The following HIPK1 variants were observed in gnomAD, a reference collection of about 807,000 sequenced individuals.
HIPK1 encodes the protein homeodomain-interacting protein kinase 1.
A neutral mutation model predicts 117.1 loss-of-function variants in HIPK1; 28 were observed. The observed-to-expected ratio is 0.24, with a 90% CI of 0.18 to 0.33. HIPK1 has a LOEUF of 0.33. Among genes scored for constraint, HIPK1 ranks in the 10% least tolerant of loss-of-function variants. The pLI is 1.00. For missense variants in HIPK1, 1,122 were observed against 1,475.1 expected (o/e 0.76, Z 3.92); for synonymous variants, 605 against 562.5 (o/e 1.08, Z -1.07).
intron 1 of HIPK1, chr1:113,929,799 G>A: frequency 1.0e-6 from 1 of 976,940 alleles, no homozygotes; most frequent in Non-Finnish European, 1.2e-6. Context: ...GCGCGGGGAC[G>A]GCTCCGGGGG....
At chr1:113,933,632 G>T (rs143433628) in intron 1 of HIPK1, among the ~76,000 whole-genome samples, 2 of 152,112 alleles carry the variant, frequency 1.3e-5, no homozygotes, top group Admixed American at 1.3e-4. Flanking sequence ...CACTTTTGGA[G>T]GCTGAGGTAG....
intron 4 of HIPK1, among the ~76,000 whole-genome samples, chr1:113,955,019 G>A (rs564001475): frequency 6.6e-6 from 1 of 152,332 alleles, no homozygotes; most frequent in Admixed American, 6.5e-5. Context: ...AGTTTGGAGG[G>A]TAGTGCTCAC....
In HIPK1 at chr1:113,977,710, A is replaced by G. The variant is rs1673213249; in HGVS notation, c.*4198A>G. On this transcript the variant is annotated 3_prime_UTR_variant, in exon 16 of 16. Transcript: ENST00000426820. ...GGATTCAATGTTTGTCTTTGGTTTT[A>G]CAAAGTAGCTTGTATTTTCAGTATT... 6.5e-6 allele frequency: 1 copy of G among 152,724 alleles called. No homozygotes were observed. Among genetic ancestry groups the G allele is most frequent in the Non-Finnish European group, 1.5e-5 (1 of 68,034 alleles). The allele number at this position is 152,724 out of a possible 1,614,324, so 9.5% of individuals were successfully genotyped here. A position where few individuals can be genotyped will look rare whatever the true frequency, so the allele number is the denominator to read the frequency against.
chr1:113,960,639 A>G (rs546897708), intron 8 of HIPK1, among the ~76,000 whole-genome samples: 1 of 152,340 alleles, frequency 6.6e-6, no homozygotes, highest in South Asian at 2.1e-4. Context: ...ATGTCCTACT[A>G]TAGGCAAAAA....
At chr1:113,932,986 A>C (rs1169919475) in intron 1 of HIPK1, among the ~76,000 whole-genome samples, 1 of 152,106 alleles carries the variant, frequency 6.6e-6, no homozygotes, top group Non-Finnish European at 1.5e-5. Context: ...TGCTTTGTTA[A>C]TTTTAACTTT....
chr1:113,941,104 C>G lies in HIPK1; in HGVS notation c.721C>G (p.Leu241Val). Residue 241 changes from leucine to valine, a missense_variant, in exon 2 of 16, where the codon CTA becomes GTA. Physicochemically the swap from Leu to Val is conservative, Grantham distance 32. Around this residue, in one of 6 missense-constraint regions of HIPK1, gnomAD observed 62 missense variants for 121.5 expected, o/e 0.51. Coordinates refer to ENST00000426820, the MANE Select transcript of HIPK1 (RefSeq NM_198268.3). The surrounding 1 kb of genome is among the most constrained non-coding windows in gnomAD (Gnocchi z 4.9). Reference sequence around the variant, plus strand: ...GATTGAAGTGAGCATCCTTTCCCGCCTAAGCAGTGAAAATGCTGATGAGTA... The same window carrying G: ...GATTGAAGTGAGCATCCTTTCCCGCGTAAGCAGTGAAAATGCTGATGAGTA... The part of the protein sequence containing the change: ...GQIEVSILSR[L>V]SSENADEYNF... 1 of 1,614,222 alleles carries G rather than the reference C, an allele frequency of 6.2e-7. No homozygotes were observed. The highest frequency in any genetic ancestry group is 8.5e-7 in the Non-Finnish European group (1 of 1,180,054).
chr1:113,962,435 G>A lies in HIPK1; in HGVS notation c.2100G>A (p.Thr700=), dbSNP rs779021472. 6.2e-6 allele frequency: 10 copies of A among 1,613,234 alleles called. No homozygotes were observed. The highest frequency in any genetic ancestry group is 1.7e-5 in the Admixed American group (1 of 59,948). Residue 700 remains threonine, a synonymous_variant, in exon 9 of 16, where the codon ACG becomes ACA. Transcript: ENST00000426820. ...QPLQIQSGVL[T]QGSCTPLMVA... ...TACAGATTCAGTCAGGAGTTCTCAC[G>A]CAGGTAAAAGCTAGAGCAATGTGGA... is the stretch of plus-strand genomic sequence containing the variant.
intron 1 of HIPK1, 140 bp downstream of exon 1, chr1:113,929,672 G>T (rs1388505649): frequency 7.8e-6 from 7 of 898,648 alleles, no homozygotes; most frequent in Non-Finnish European, 1.0e-5. Context: ...GGTAGCCCCG[G>T]ACGGCAGCAG....
At position 113,962,386 on chromosome 1, in the gene HIPK1, C is replaced by G. The variant is rs1672185315; in HGVS notation, c.2051C>G (p.Pro684Arg). ...ATGGATAATGCTGTACCGATTGTAC[C>G]CCAGGCACCAGCTGCTCAGCCACTA... The part of the protein sequence containing the change: ...VRMDNAVPIV[P>R]QAPAAQPLQI... The change falls in exon 9 of 16, where the codon CCC becomes CGC. Residue 684 changes from proline to arginine, a missense_variant. By Grantham distance (103) the Pro-to-Arg change is moderately radical (BLOSUM62 -2). Transcript: ENST00000426820. The G allele has an allele frequency of 5.0e-6, 8 of 1,613,860 alleles. No homozygotes were observed. Among genetic ancestry groups the G allele is most frequent in the Non-Finnish European group, 6.8e-6 (8 of 1,179,868 alleles).
Position 113,957,221 on chromosome 1 carries a change from G to C in HIPK1, c.1690G>C (p.Ala564Pro). 6.2e-7 allele frequency: 1 copy of C among 1,613,722 alleles called. No homozygotes were observed. The highest frequency in any genetic ancestry group is 8.5e-7 in the Non-Finnish European group (1 of 1,179,702). The change falls in exon 7 of 16, where the codon GCC becomes CCC. Residue 564 changes from alanine to proline, a missense_variant. By Grantham distance (27) the Ala-to-Pro change is conservative. Coordinates refer to ENST00000426820, the MANE Select transcript of HIPK1 (RefSeq NM_198268.3). ...QIKSPFTTHV[A>P]PNTSTNLTMS... Reference sequence around the variant, plus strand: ...CAAGAGTCCCTTCACTACACATGTTGCCCCAAATACAAGCACAAATCTAAC... The same window carrying C: ...CAAGAGTCCCTTCACTACACATGTTCCCCCAAATACAAGCACAAATCTAAC...
Position 113,954,705 on chromosome 1 carries a change from G to A in HIPK1, c.1255G>A (p.Gly419Arg). ...GCCAGCTGAATATCTTCTCAGTGCC[G>A]GAACAAAAACAACCAGGTTTTTCAA... ...GLPAEYLLSA[G>R]TKTTRFFNRD... Residue 419 changes from glycine (G) to arginine (R), a missense_variant, in exon 4 of 16, where the codon GGA becomes AGA. By Grantham distance (125) the Gly-to-Arg change is moderately radical (BLOSUM62 -2). Coordinates refer to ENST00000426820, the MANE Select transcript of HIPK1 (RefSeq NM_198268.3). 1.2e-6 allele frequency: 2 copies of A among 1,613,622 alleles called. No homozygotes were observed. Among genetic ancestry groups the A allele is most frequent in the South Asian group, 2.2e-5 (2 of 91,058 alleles).
At position 113,973,988 on chromosome 1, in the gene HIPK1, G is replaced by C. The variant is rs895478012; in HGVS notation, c.*476G>C. On this transcript the variant is annotated 3_prime_UTR_variant, in exon 16 of 16. Transcript: ENST00000426820. The stretch of plus-strand genomic sequence containing the variant: ...GACAAAAAAAGAAAAATTACTTTTT[G>C]TTTGTTTATAAACTCAGACTTGCCT... 2 of 152,684 alleles carry C rather than the reference G, an allele frequency of 1.3e-5. No individual in the cohort carries two copies. Among genetic ancestry groups the C allele is most frequent in the Non-Finnish European group, 2.9e-5 (2 of 68,298 alleles). The allele number at this position is 152,684 out of a possible 1,614,324, so 9.5% of individuals were successfully genotyped here.
chr1:113,939,195 C>T (rs1379987847), intron 1 of HIPK1, among the ~76,000 whole-genome samples: 2 of 151,928 alleles, frequency 1.3e-5, no homozygotes, highest in Non-Finnish European at 2.9e-5. Context: ...CATTCTTTCA[C>T]CCTGGCTGGA....
intron 1 of HIPK1, among the ~76,000 whole-genome samples, chr1:113,936,034 A>G (rs924543143): frequency 1.3e-5 from 2 of 152,224 alleles, no homozygotes; most frequent in Non-Finnish European, 2.9e-5. Flanking sequence ...TCCTGTGTCT[A>G]GAAATTGCTG....
rs915915213 is a variant in HIPK1, at chr1:113,971,830, T to C, written c.3020T>C (p.Leu1007Pro). The change falls in exon 15 of 16, where the codon CTG (leucine) becomes CCG (proline). Residue 1007 changes from leucine to proline, a missense_variant. By Grantham distance (98) the Leu-to-Pro change is moderately conservative. Transcript: ENST00000426820. ...AAGCCTGGTGCTTTTTTAGGTCTCC[T>C]GAGCAATAAGACTAAGCCAGTCGCT... Reference protein sequence around the residue: ...CTVATQASGLLSNKTKPVASV... With the variant: ...CTVATQASGLPSNKTKPVASV... The C allele has an allele frequency of 1.6e-5, 26 of 1,593,072 alleles. No homozygotes were observed. Among genetic ancestry groups the C allele is most frequent in the Non-Finnish European group, 2.1e-5 (25 of 1,173,674 alleles).
chr1:113,966,062 T>C, intron 10 of HIPK1, 68 bp from the exon 11 acceptor site: 1 of 1,499,658 alleles, frequency 6.7e-7, no homozygotes, highest in South Asian at 1.3e-5. Flanking sequence ...TTTCTTTCTT[T>C]AAAAAAACAG....
rs1463800184 is a variant in HIPK1, at chr1:113,973,438, T to C, written c.3559T>C (p.Ser1187Pro). The change falls in exon 16 of 16, where the codon TCT (serine) becomes CCT (proline). Residue 1187 changes from serine (S) to proline (P), a missense_variant. By Grantham distance (74) the Ser-to-Pro change is moderately conservative. Transcript: ENST00000426820. ...GTTTGCCACCCAATCCTACATTGGG[T>C]CTTCCCGAGGCTCAACAATTTACAC... is the stretch of plus-strand genomic sequence containing the variant. ...HQFATQSYIG[S>P]SRGSTIYTGY... 1 of 1,613,976 alleles carries C rather than the reference T, an allele frequency of 6.2e-7. No individual in the cohort carries two copies.
At position 113,958,106 on chromosome 1, in the gene HIPK1, C is replaced by T; in HGVS notation, c.1796C>T (p.Thr599Ile). The change falls in exon 8 of 16, where the codon ACT becomes ATT. Residue 599 changes from threonine (T) to isoleucine (I), a missense_variant. Physicochemically the swap from Thr to Ile is moderately conservative, Grantham distance 89. Transcript: ENST00000426820. ...TCCAGTTCTACTGCAGCAGCTGCTA[C>T]TCTTTCTCTGGCTAATTCAGATGTC... ...LASSSTAAAATLSLANSDVSL... is the reference protein window; with the variant it reads ...LASSSTAAAAILSLANSDVSL... 1.2e-6 allele frequency: 2 copies of T among 1,614,168 alleles called. No individual in the cohort carries two copies. The highest frequency in any genetic ancestry group is 2.2e-5 in the East Asian group (1 of 44,890).
intron 11 of HIPK1, 112 bp downstream of exon 11, chr1:113,966,384 T>G (rs1672449041): frequency 1.0e-6 from 1 of 980,604 alleles, no homozygotes; most frequent in Non-Finnish European, 1.5e-6. Flanking sequence ...TTTGACACTG[T>G]TGGAATCCTT....
Sources: gnomAD v4.1 joint callset for allele counts (sites outside exome capture counted in the v4.1 genomes callset) on GRCh38, gnomAD v4.1.1 for gene constraint, gnomAD v4.1.1 regional missense constraint, Gnocchi (gnomAD v3.1) non-coding constraint, MANE v1.5 for transcripts, NCBI Gene and HGNC (gene_info 2026-07-23, HGNC 2026-07-21) for gene names.